Variants in RANBP2 observed in about 807,000 individuals in gnomAD.
RANBP2 encodes the protein E3 SUMO-protein ligase RanBP2.
RANBP2 carries 57 observed loss-of-function variants against 303.6 expected under a neutral mutation model. That is an observed-to-expected ratio of 0.19 (90% confidence interval 0.15 to 0.23). RANBP2 has a LOEUF of 0.23. Ranked by LOEUF, RANBP2 falls within the 10% of genes least tolerant of loss-of-function variation. The pLI is 1.00. For synonymous variants in RANBP2, 1,167 were observed against 1,301.5 expected, an observed-to-expected ratio of 0.90 and a Z score of 2.23; for missense variants, 3,138 against 3,780.8, an observed-to-expected ratio of 0.83 and a Z score of 4.46.
At chr2:108,964,484 C>T in the RANBP2 span, among the ~76,000 whole-genome samples, 1 of 152,146 alleles carries the variant, frequency 6.6e-6, no homozygotes, top group Admixed American at 6.5e-5. Context: ...AAAGTCCCTA[C>T]TCTAAGAGGA....
At chr2:109,507,705 A>G in the RANBP2 span, among the ~76,000 whole-genome samples, 1 of 152,214 alleles carries the variant, frequency 6.6e-6, no homozygotes, top group Non-Finnish European at 1.5e-5. Context: ...GACACCCAAG[A>G]AAATGGCAGC....
At chr2:109,051,206 C>A in the RANBP2 span, among the ~76,000 whole-genome samples, 1 of 152,202 alleles carries the variant, frequency 6.6e-6, no homozygotes, top group Non-Finnish European at 1.5e-5. Context: ...CTTGCAACGG[C>A]ATAGGCTCTA....
At chr2:108,786,077 T>G (rs1328522836), downstream of RANBP2, among the ~76,000 whole-genome samples, 4 of 152,172 alleles carry the variant, frequency 2.6e-5, no homozygotes, top group Non-Finnish European at 4.4e-5. Context: ...TGATGTATAC[T>G]ATGTACTATG....
intron 7 of RANBP2, among the ~76,000 whole-genome samples, chr2:108,745,973 C>G (rs1252246661): frequency 6.7e-6 from 1 of 150,284 alleles, no homozygotes; most frequent in African/African-American, 2.5e-5. Flanking sequence ...GTGGCATGAT[C>G]ATGGCTCACT....
the RANBP2 span, among the ~76,000 whole-genome samples, chr2:109,047,448 G>A: frequency 6.6e-6 from 1 of 152,182 alleles, no homozygotes; most frequent in Non-Finnish European, 1.5e-5. Context: ...CTAATAGGAT[G>A]GGCTTATTGC....
the RANBP2 span, among the ~76,000 whole-genome samples, chr2:108,962,674 CAAAAAAAAAAAAA>C: frequency 1.5e-5 from 1 of 66,906 alleles, no homozygotes. Flanking sequence ...GACTCTGTCT[CAAAAAAAAAAAAA>C]AAAAAAAAAA....
chr2:109,347,798 A>G, the RANBP2 span: 5 of 1,613,996 alleles, frequency 3.1e-6, no homozygotes, highest in Non-Finnish European at 4.2e-6. Flanking sequence ...CAGTGGTACC[A>G]CGGCGAGCTG....
chr2:109,574,810 A>G, the RANBP2 span: 1 of 1,390,050 alleles, frequency 7.2e-7, no homozygotes, highest in East Asian at 2.5e-5. Context: ...TATTTGTGCT[A>G]CCTTAAGATA....
intron 23 of RANBP2, 122 bp from the exon 24 acceptor site, chr2:108,775,610 A>G: frequency 1.1e-6 from 1 of 932,972 alleles, no homozygotes; most frequent in Non-Finnish European, 1.7e-6. Flanking sequence ...GATAGGGTGA[A>G]GTGTGTTTAT....
chr2:109,717,271 C>CAAAAAAAAAAAAAAAAAAAAAAAAA, the RANBP2 span, among the ~76,000 whole-genome samples: 2 of 80,830 alleles, frequency 2.5e-5, no homozygotes, highest in Non-Finnish European at 2.9e-5. Context: ...TAAAAACAAA[C>CAAAAAAAAAAAAAAAAAAAAAAAAA]CAAAAAAAAA....
chr2:109,641,799 T>G, the RANBP2 span, among the ~76,000 whole-genome samples: 1 of 152,094 alleles, frequency 6.6e-6, no homozygotes, highest in African/African-American at 2.4e-5. Flanking sequence ...AATTGCACAA[T>G]GTGAATGTAT....
chr2:108,851,591 C>T, the RANBP2 span, among the ~76,000 whole-genome samples: 1 of 151,552 alleles, frequency 6.6e-6, no homozygotes, highest in African/African-American at 2.4e-5. Flanking sequence ...GCGTGAGCCA[C>T]CGCGCCCGGC....
chr2:108,952,986 T>TA, the RANBP2 span, among the ~76,000 whole-genome samples: 4 of 152,346 alleles, frequency 2.6e-5, no homozygotes, highest in Non-Finnish European at 5.9e-5. Context: ...GAGGTCTTTT[T>TA]AAAAAACGTT....
At chr2:109,528,646 G>C in the RANBP2 span, among the ~76,000 whole-genome samples, 1 of 152,334 alleles carries the variant, frequency 6.6e-6, no homozygotes, top group South Asian at 2.1e-4. Context: ...CAGAGAACAG[G>C]AGGAAAAGCA....
At chr2:109,727,813 C>T in the RANBP2 span, among the ~76,000 whole-genome samples, 2 of 152,184 alleles carry the variant, frequency 1.3e-5, no homozygotes, top group African/African-American at 4.8e-5. Context: ...TAAGAATGAC[C>T]TCTTAAAAAT....
At chr2:109,409,721 G>A in the RANBP2 span, among the ~76,000 whole-genome samples, 26 of 152,106 alleles carry the variant, frequency 1.7e-4, no homozygotes, top group Non-Finnish European at 3.4e-4. Context: ...AGAGGCACGC[G>A]GGGCCTCTGG....
chr2:108,774,296 C>T (rs1677721012), intron 23 of RANBP2, among the ~76,000 whole-genome samples: 1 of 151,952 alleles, frequency 6.6e-6, no homozygotes, highest in Non-Finnish European at 1.5e-5. Context: ...CTTTGGTTTC[C>T]ATGTAAGAGT....
At chr2:109,538,208 C>T in the RANBP2 span, among the ~76,000 whole-genome samples, 1 of 152,184 alleles carries the variant, frequency 6.6e-6, no homozygotes, top group Non-Finnish European at 1.5e-5. Context: ...AACTCTCTGA[C>T]CTGGCTTCAG....
the RANBP2 span, among the ~76,000 whole-genome samples, chr2:109,385,505 TAG>T: frequency 3.9e-5 from 6 of 152,246 alleles, 1 homozygote; most frequent in African/African-American, 1.2e-4. Context: ...GGAATAGTCT[TAG>T]GTTTCATTCG....
Sources: allele counts gnomAD v4.1 joint callset (sites outside exome capture counted in the v4.1 genomes callset), GRCh38; gene constraint gnomAD v4.1.1; transcripts MANE v1.5; gene names NCBI Gene and HGNC (gene_info 2026-07-23, HGNC 2026-07-21).